The following HYDIN variants were observed in gnomAD, a reference collection of about 807,000 sequenced individuals.
HYDIN encodes the protein axonemal central pair apparatus protein HYDIN.
Under a neutral mutation model 403.9 loss-of-function variants are expected in HYDIN, and 132 were observed. The ratio of observed to expected loss-of-function variants is 0.33; its 90% CI spans 0.28 to 0.38. The LOEUF (loss-of-function observed/expected upper bound fraction) is 0.38. Ranked by LOEUF, HYDIN falls within the 10% of genes least tolerant of loss-of-function variation. The pLI is 1.00. For synonymous variants in HYDIN, 1,202 were observed against 1,891.7 expected (o/e 0.64, Z 9.46); for missense variants, 2,827 against 5,009.5 (o/e 0.56, Z 13.15).
intron 3 of HYDIN, among the ~76,000 whole-genome samples, chr16:71,183,335 A>T (rs985227665): frequency 1.3e-5 from 2 of 152,170 alleles, no homozygotes; most frequent in African/African-American, 4.8e-5. Flanking sequence ...AGGAAATGCA[A>T]GCTGTAGAAG....
At chr16:70,847,915 T>C (rs1260968110) in intron 75 of HYDIN, among the ~76,000 whole-genome samples, 5 of 151,128 alleles carry the variant, frequency 3.3e-5, no homozygotes, top group African/African-American at 1.2e-4. Context: ...ATTACATGTA[T>C]TTTGCTATGC....
chr16:70,887,551 T>C (rs892216470), intron 58 of HYDIN, among the ~76,000 whole-genome samples: 1 of 152,190 alleles, frequency 6.6e-6, no homozygotes, highest in African/African-American at 2.4e-5. Context: ...TTTTAGCACT[T>C]CTGACCTACA....
chr16:71,018,778 G>A (rs1407062014), intron 22 of HYDIN, among the ~76,000 whole-genome samples: 118 of 152,396 alleles, frequency 7.7e-4, no homozygotes, highest in African/African-American at 2.4e-3. Context: ...GAATTGAGGA[G>A]TTGTAAAGGA....
Position 70,882,894 on chromosome 16 carries a change from G to A in HYDIN, c.9981C>T (p.Ala3327=). 1.3e-6 allele frequency: 2 copies of A among 1,586,528 alleles called. No individual in the cohort carries two copies. The highest frequency in any genetic ancestry group is 1.7e-6 in the Non-Finnish European group (2 of 1,155,038). ...YTLLAEACLP[A]FVTENNALIF... is the part of the protein sequence containing the mutation. ...TCAAGGCATTGTTTTCGGTCACGAA[G>A]GCTGGGGAGTGAAGGGGAGACCATG... Residue 3327 remains alanine (A), a splice_region_variant and synonymous_variant, in exon 60 of 86, where the codon GCC becomes GCT. Coordinates refer to ENST00000393567, the MANE Select transcript of HYDIN (RefSeq NM_001270974.2).
chr16:70,994,192 C>G (rs1443939583), intron 23 of HYDIN, among the ~76,000 whole-genome samples: 1 of 151,850 alleles, frequency 6.6e-6, no homozygotes, highest in African/African-American at 2.4e-5. Context: ...TCTTTACATA[C>G]CCTATTGCAC....
At chr16:71,138,770 A>G (rs1048666361) in intron 7 of HYDIN, among the ~76,000 whole-genome samples, 13 of 152,096 alleles carry the variant, frequency 8.5e-5, no homozygotes, top group Non-Finnish European at 1.8e-4. Flanking sequence ...CCCCTCCTCC[A>G]AATAAGTTAA....
At chr16:70,970,888 TAA>T (rs1272874216) in intron 35 of HYDIN, 129 bp from the exon 36 acceptor site, 1 of 795,712 alleles carries the variant, frequency 1.3e-6, no homozygotes, top group African/African-American at 1.7e-5. Flanking sequence ...TAAAATTGCA[TAA>T]GAGTAATTTT....
At chr16:70,836,469 G>A (rs539300448) in intron 77 of HYDIN, among the ~76,000 whole-genome samples, 1 of 152,364 alleles carries the variant, frequency 6.6e-6, no homozygotes, top group African/African-American at 2.4e-5. Context: ...GCTTGAAGAG[G>A]GCAAGAAAGA....
chr16:71,015,902 A>G (rs539934557), intron 23 of HYDIN, among the ~76,000 whole-genome samples: 1 of 151,450 alleles, frequency 6.6e-6, no homozygotes, highest in African/African-American at 2.4e-5. Context: ...TTGCCAACTA[A>G]GAAGAAAATG....
intron 73 of HYDIN, chr16:70,852,939 C>A (rs2038754712): frequency 1.3e-5 from 2 of 151,778 alleles, no homozygotes. Context: ...TTTGGGAAGC[C>A]AAGGCGGGTG....
At chr16:71,226,749 G>T (rs953290749) in intron 1 of HYDIN, among the ~76,000 whole-genome samples, 1 of 152,068 alleles carries the variant, frequency 6.6e-6, no homozygotes, top group Non-Finnish European at 1.5e-5. Flanking sequence ...GAAAACTGAC[G>T]CTCGGGCCTC....
chr16:70,954,710 A>G (rs1431782519), intron 40 of HYDIN, among the ~76,000 whole-genome samples: 2 of 152,126 alleles, frequency 1.3e-5, no homozygotes, highest in Non-Finnish European at 1.5e-5. Flanking sequence ...CAGCTTCACT[A>G]TCGCTTCCTT....
At chr16:71,078,330 A>G (rs563903472) in intron 13 of HYDIN, among the ~76,000 whole-genome samples, 5 of 151,996 alleles carry the variant, frequency 3.3e-5, no homozygotes, top group Non-Finnish European at 7.4e-5. Context: ...TTTTCTATTC[A>G]GGTTTTCTAC....
At position 70,872,166 on chromosome 16, in the gene HYDIN, G is replaced by A. The variant is rs765975675; in HGVS notation, c.10962C>T (p.Asp3654=). Residue 3654 remains aspartate, a synonymous_variant, in exon 65 of 86, where the codon GAC becomes GAT. Coordinates refer to ENST00000393567, the MANE Select transcript of HYDIN (RefSeq NM_001270974.2). ...MEDLVAAALV[D]HIQFGDCHIG... is the part of the protein sequence containing the mutation. ...TGTGGCAGTCCCCAAATTGGATGTG[G>A]TCCACCAGAGCAGCTAGGGATTAGA... 1.4e-6 allele frequency: 2 copies of A among 1,466,086 alleles called. No homozygotes were observed. Among genetic ancestry groups the A allele is most frequent in the East Asian group, 4.6e-5 (2 of 43,284 alleles). 90.8% of individuals were successfully genotyped at this position (1,466,086 alleles called of 1,614,324 possible).
At chr16:71,202,216 T>C (rs370494613) in intron 1 of HYDIN, among the ~76,000 whole-genome samples, 3 of 152,336 alleles carry the variant, frequency 2.0e-5, no homozygotes, top group African/African-American at 7.2e-5. Context: ...TACAGACACA[T>C]GCATGGTATG....
At chr16:71,049,168 T>C (rs2081552684) in intron 18 of HYDIN, among the ~76,000 whole-genome samples, 1 of 152,294 alleles carries the variant, frequency 6.6e-6, no homozygotes, top group Non-Finnish European at 1.5e-5. Context: ...CTCTAGGTTC[T>C]GAAACCAGTA....
intron 18 of HYDIN, among the ~76,000 whole-genome samples, chr16:71,043,859 T>C (rs1256280042): frequency 6.6e-6 from 1 of 150,650 alleles, no homozygotes; most frequent in Non-Finnish European, 1.5e-5. Flanking sequence ...GAGGCCAAGG[T>C]GGGAGGATTA....
At chr16:71,210,844 T>A (rs1164595453) in intron 1 of HYDIN, among the ~76,000 whole-genome samples, 6 of 152,082 alleles carry the variant, frequency 3.9e-5, no homozygotes, top group Non-Finnish European at 8.8e-5. Flanking sequence ...TCAAAAAAAA[T>A]TTCTTAGTTT....
chr16:70,945,290 T>C (rs966539119), intron 41 of HYDIN, among the ~76,000 whole-genome samples: 1 of 152,236 alleles, frequency 6.6e-6, no homozygotes, highest in African/African-American at 2.4e-5. Context: ...TCTTTGAGTT[T>C]TGACCTTAGC....
Sources: gnomAD v4.1 joint callset for allele counts (sites outside exome capture counted in the v4.1 genomes callset) on GRCh38, gnomAD v4.1.1 for gene constraint, MANE v1.5 for transcripts, NCBI Gene and HGNC (gene_info 2026-07-23, HGNC 2026-07-21) for gene names.